The following PHLPP2 variants were observed in gnomAD, a reference collection of about 807,000 sequenced individuals.
PHLPP2 encodes the protein PH domain leucine-rich repeat-containing protein phosphatase 2.
A neutral mutation model predicts 124.9 loss-of-function variants in PHLPP2; 66 were observed. The observed-to-expected ratio is 0.53, with a 90% confidence interval of 0.43 to 0.65. The LOEUF (loss-of-function observed/expected upper bound fraction) is 0.65. Among genes scored for constraint, PHLPP2 ranks in the 30% least tolerant of loss-of-function variants. The pLI is 0.00. For missense variants in PHLPP2, 1,685 were observed against 1,600.4 expected, an observed-to-expected ratio of 1.05 and a Z score of -0.90; for synonymous variants, 681 against 624.7, an observed-to-expected ratio of 1.09 and a Z score of -1.34.
chr16:71,719,964 A>ATTTTTTTTTTTTTTTGTTTT (rs2045387659), intron 1 of PHLPP2, among the ~76,000 whole-genome samples: 1 of 53,246 alleles, frequency 1.9e-5, no homozygotes, highest in African/African-American at 8.4e-5. Context: ...TGCCCAGCTA[A>ATTTTTTTTTTTTTTTGTTTT]TTTTTTTTTT....
At chr16:71,673,276 T>C (rs2044911063) in intron 9 of PHLPP2, among the ~76,000 whole-genome samples, 1 of 152,212 alleles carries the variant, frequency 6.6e-6, no homozygotes, top group Non-Finnish European at 1.5e-5. Context: ...TAGCAGATAC[T>C]ACTGAACAGT....
At chr16:71,659,252 T>C (rs2044768336) in intron 13 of PHLPP2, among the ~76,000 whole-genome samples, 4 of 149,942 alleles carry the variant, frequency 2.7e-5, no homozygotes. Context: ...CAAAGATTTT[T>C]TTTTTTTTTT....
chr16:71,664,458 T>G (rs576320595), intron 12 of PHLPP2, among the ~76,000 whole-genome samples: 7 of 152,156 alleles, frequency 4.6e-5, no homozygotes, highest in Non-Finnish European at 1.0e-4. Flanking sequence ...TTAGAAAAAC[T>G]TTTGTCTGGG....
At chr16:71,692,525 T>G (rs902298686) in intron 3 of PHLPP2, among the ~76,000 whole-genome samples, 1 of 152,218 alleles carries the variant, frequency 6.6e-6, no homozygotes, top group African/African-American at 2.4e-5. Flanking sequence ...TAAAATTGTA[T>G]TATTCAATAA....
rs2044666521 is a variant in PHLPP2 at position 71,648,131 on chromosome 16, C to T, written c.*759G>A. ...GAATGAAAAGCCATGTGACTAGTCA[C>T]ATCACACCCCATTAGTCTGAGATAA... On this transcript the variant is annotated 3_prime_UTR_variant, in exon 19 of 19. Coordinates refer to ENST00000568954, the MANE Select transcript of PHLPP2 (RefSeq NM_015020.3). 2 of 152,656 alleles carry T rather than the reference C, an allele frequency of 1.3e-5. No homozygotes were observed. The highest frequency in any genetic ancestry group is 4.1e-4 in the South Asian group (2 of 4,834). The allele number at this position is 152,656 out of a possible 1,614,324, so 9.5% of individuals were successfully genotyped here. A position where few individuals can be genotyped will look rare whatever the true frequency, so the allele number is the denominator to read the frequency against.
intron 5 of PHLPP2, among the ~76,000 whole-genome samples, chr16:71,682,831 T>C (rs1205938411): frequency 2.6e-5 from 4 of 152,154 alleles, no homozygotes; most frequent in Admixed American, 2.6e-4. Context: ...GCTAATATAA[T>C]ATGGGTTATA....
At chr16:71,683,502 G>C (rs8048210) in intron 5 of PHLPP2, among the ~76,000 whole-genome samples, 51,362 of 152,054 alleles carry the variant, frequency 0.34, 9,579 homozygotes, top group East Asian at 0.76. Context: ...ATCTATCACT[G>C]ACTATTACGG....
intron 1 of PHLPP2, among the ~76,000 whole-genome samples, chr16:71,718,298 G>A (rs772732683): frequency 1.4e-4 from 21 of 152,094 alleles, no homozygotes; most frequent in Non-Finnish European, 1.8e-4. Flanking sequence ...ACATATATGC[G>A]GTCGGGCGCA....
At chr16:71,717,442 A>G (rs2045370534) in intron 1 of PHLPP2, among the ~76,000 whole-genome samples, 1 of 152,230 alleles carries the variant, frequency 6.6e-6, no homozygotes, top group African/African-American at 2.4e-5. Context: ...TATTGAATCT[A>G]ACTTTAGAGA....
At chr16:71,676,414 G>C (rs771701612) in intron 9 of PHLPP2, 33 bp downstream of exon 9, 1 of 1,569,554 alleles carries the variant, frequency 6.4e-7, no homozygotes, top group African/African-American at 1.3e-5. Flanking sequence ...ACAGCTGAAA[G>C]AGAAAAAACA....
In PHLPP2 at chr16:71,714,601, G is replaced by A. The variant is rs749551255; in HGVS notation, c.195C>T (p.Val65=). ...SSSSSSDLHL[V]LCTVETPASE... is the part of the protein sequence containing the mutation. ...ATGCTGGTGTCTCTACAGTGCAAAG[G>A]ACGAGATGTAAGTCAGAGGAAGAGG... Residue 65 remains valine (V), a synonymous_variant, in exon 2 of 19, where the codon GTC becomes GTT. Transcript: ENST00000568954. The A allele has an allele frequency of 3.7e-6, 6 of 1,614,116 alleles. No homozygotes were observed.
intron 18 of PHLPP2, among the ~76,000 whole-genome samples, chr16:71,652,063 A>C (rs779731529): frequency 1.5e-4 from 23 of 152,240 alleles, no homozygotes; most frequent in Non-Finnish European, 2.8e-4. Flanking sequence ...AAGCTCTGCA[A>C]AAAAACACTG....
At position 71,649,797 on chromosome 16, in the gene PHLPP2, C is replaced by G. The variant is rs375283006; in HGVS notation, c.3065G>C (p.Cys1022Ser). ...KLCTLAQSYG[C>S]QDNVGAMVVY... ...TACCATCGCCCCTACATTGTCCTGA[C>G]AGCCATAGCTCTGCGCTAATGTGCA... is the stretch of plus-strand genomic sequence containing the variant. Residue 1022 changes from cysteine (C) to serine (S), a missense_variant, in exon 19 of 19, where the codon TGT becomes TCT. Coordinates refer to ENST00000568954, the MANE Select transcript of PHLPP2 (RefSeq NM_015020.3). The G allele has an allele frequency of 3.0e-4, 485 of 1,614,136 alleles. 1 individual carries two copies. The highest frequency in any genetic ancestry group is 3.9e-4 in the Non-Finnish European group (466 of 1,180,052).
At chr16:71,668,150 G>A (rs896333807) in intron 11 of PHLPP2, among the ~76,000 whole-genome samples, 2 of 151,738 alleles carry the variant, frequency 1.3e-5, no homozygotes, top group Admixed American at 1.3e-4. Context: ...GGTGGCTCAT[G>A]CCTGTAATCC....
intron 17 of PHLPP2, 47 bp downstream of exon 17, chr16:71,655,193 T>C (rs760634916): frequency 7.7e-7 from 1 of 1,302,892 alleles, no homozygotes; most frequent in Non-Finnish European, 1.1e-6. Flanking sequence ...AAAATATATT[T>C]TCCAAAAGTA....
chr16:71,660,372 CAAAAAAAAA>C (rs1158155665), intron 13 of PHLPP2, among the ~76,000 whole-genome samples: 3 of 26,992 alleles, frequency 1.1e-4, no homozygotes, highest in African/African-American at 4.2e-4. Context: ...GACCTTGTCT[CAAAAAAAAA>C]AAAAAAAAAA....
chr16:71,657,457 T>G (rs1416958542), intron 15 of PHLPP2, among the ~76,000 whole-genome samples: 3 of 151,498 alleles, frequency 2.0e-5, no homozygotes, highest in Non-Finnish European at 2.9e-5. Context: ...TGCAGTGGCG[T>G]GATCTCTGCT....
intron 13 of PHLPP2, 35 bp downstream of exon 13, chr16:71,663,864 G>A: frequency 8.3e-6 from 12 of 1,452,338 alleles, no homozygotes; most frequent in African/African-American, 1.4e-5. Context: ...TTAATGTTGT[G>A]TATTTGAAAT....
At chr16:71,681,033 G>A (rs1468541277) in intron 6 of PHLPP2, among the ~76,000 whole-genome samples, 1 of 152,064 alleles carries the variant, frequency 6.6e-6, no homozygotes, top group Non-Finnish European at 1.5e-5. Flanking sequence ...TAGCTATTAA[G>A]GAAGTACGTA....
Sources: gnomAD v4.1 joint callset for allele counts (sites outside exome capture counted in the v4.1 genomes callset) on GRCh38, gnomAD v4.1.1 for gene constraint, MANE v1.5 for transcripts, NCBI Gene and HGNC (gene_info 2026-07-23, HGNC 2026-07-21) for gene names.